The following MBTPS2 variants were observed in gnomAD, a reference collection of about 807,000 sequenced individuals.
The protein encoded by MBTPS2 is membrane-bound transcription factor site-2 protease.
A neutral mutation model predicts 35.4 loss-of-function variants in MBTPS2; 2 were observed. The observed-to-expected ratio is 0.06, with a 90% CI of 0.02 to 0.18. MBTPS2 has a LOEUF of 0.18. MBTPS2 is among the 10% of genes least tolerant of loss of function. The probability of loss-of-function intolerance (pLI) is 1.00; values close to 1 mark genes in which losing one functional copy is unlikely to be tolerated. For missense variants in MBTPS2, 244 were observed against 386.5 expected (o/e 0.63, Z 3.09); for synonymous variants, 125 against 140.4 (o/e 0.89, Z 0.77).
At chrX:21,871,536 A>G (rs1251503327) in intron 7 of MBTPS2, 1 of 111,630 alleles carries the variant, frequency 9.0e-6, no homozygotes, top group Non-Finnish European at 1.9e-5. Flanking sequence ...TTAACGGATG[A>G]TGACTCATTA....
Position 21,869,583 on chromosome X carries a change from A to G in MBTPS2, c.875A>G (p.Asp292Gly), listed in dbSNP as rs752895333. 7 of 1,206,868 alleles carry G rather than the reference A, an allele frequency of 5.8e-6. No homozygotes were observed. Among genetic ancestry groups the G allele is most frequent in the Admixed American group, 4.4e-5 (2 of 45,669 alleles). ...LQDCPVTNVQ[D>G]WNECLDTIAY... is the part of the protein sequence containing the mutation. Reference sequence around the variant, plus strand: ...GATTGTCCTGTTACTAATGTGCAAGATTGGAATGAATGTTTAGATACCATC... The same window carrying G: ...GATTGTCCTGTTACTAATGTGCAAGGTTGGAATGAATGTTTAGATACCATC... The change falls in exon 7 of 11, where the codon GAT becomes GGT. Residue 292 changes from aspartate (D) to glycine (G), a missense_variant. Physicochemically the swap from Asp to Gly is moderately conservative, Grantham distance 94 (BLOSUM62 -1). Coordinates refer to ENST00000379484, the MANE Select transcript of MBTPS2 (RefSeq NM_015884.4).
chrX:21,875,507 C>T (rs1269027159), intron 7 of MBTPS2, among the ~76,000 whole-genome samples: 1 of 112,206 alleles, frequency 8.9e-6, no homozygotes. Context: ...GTATCATTAG[C>T]GATAATAAAT....
chrX:21,872,917 C>T (rs989046330), intron 7 of MBTPS2: 2 of 109,697 alleles, frequency 1.8e-5, no homozygotes, highest in Non-Finnish European at 3.8e-5. Flanking sequence ...TAGGTAACTT[C>T]GTTATCCTTC....
rs1329684859 is a variant in MBTPS2, at chrX:21,853,416, A to C, written c.583A>C (p.Ile195Leu). 4.2e-6 allele frequency: 5 copies of C among 1,200,300 alleles called. No homozygotes were observed. The highest frequency in any genetic ancestry group is 5.6e-6 in the Non-Finnish European group (5 of 887,075). Residue 195 changes from isoleucine (I) to leucine (L), a missense_variant, in exon 5 of 11, where the codon ATT (isoleucine) becomes CTT (leucine). Coordinates refer to ENST00000379484, the MANE Select transcript of MBTPS2 (RefSeq NM_015884.4). Reference sequence around the variant, plus strand: ...TAATGGCTTTGGGATTTTTCTCTTCATTATTTATCCTGGAGCATTTGTTGA... The same window carrying C: ...TAATGGCTTTGGGATTTTTCTCTTCCTTATTTATCCTGGAGCATTTGTTGA... Reference protein sequence around the residue: ...RFNGFGIFLFIIYPGAFVDLF... With the variant: ...RFNGFGIFLFLIYPGAFVDLF...
rs1002292342 is a variant in MBTPS2, at chrX:21,884,633, A to G, written c.*1978A>G. 5 of 752,207 alleles carry G rather than the reference A, an allele frequency of 6.6e-6. No homozygotes were observed. 62.0% of individuals were successfully genotyped at this position (752,207 alleles called of 1,213,427 possible). ...CCATTTGTATAAAACCGGCCTCATT[A>G]TGTAAGAAAGAAAATGTTACGTGTT... On this transcript the variant is annotated 3_prime_UTR_variant, in exon 11 of 11. Coordinates refer to ENST00000379484, the MANE Select transcript of MBTPS2 (RefSeq NM_015884.4).
chrX:21,856,609 A>C (rs1262966075), intron 5 of MBTPS2: 1 of 1,210,393 alleles, frequency 8.3e-7, no homozygotes, highest in Non-Finnish European at 1.1e-6. Context: ...AGCGTCCAGT[A>C]CGAGGATGTG....
intron 6 of MBTPS2, 117 bp downstream of exon 6, chrX:21,868,702 G>A: frequency 1.7e-6 from 1 of 573,827 alleles, no homozygotes; most frequent in Admixed American, 2.3e-5. Context: ...AGTTTCTTCT[G>A]AAGAAATTAC....
Position 21,862,895 on chromosome X carries a change from TATAAAC to T in MBTPS2, c.671-5568_671-5563del, listed in dbSNP as rs1312923249. The stretch of plus-strand genomic sequence containing the variant: ...ATATATAAATATATATACACATATA[TATAAAC>T]ATATATAAATATATAAACATATATA... On this transcript the variant is annotated intron_variant, in intron 5 of 10. Transcript: ENST00000379484. Among the ~76,000 whole-genome samples the T allele has an allele frequency of 3.8e-3, 284 of 74,865 alleles. 5 individuals are homozygous for T. Among genetic ancestry groups the T allele is most frequent in the African/African-American group, 0.013 (266 of 20,156 alleles). The allele number at this position is 74,865 out of a possible 115,157, so 65.0% of individuals were successfully genotyped here.
intron 5 of MBTPS2, among the ~76,000 whole-genome samples, chrX:21,863,138 C>T (rs1448694064): frequency 2.2e-5 from 2 of 92,698 alleles, no homozygotes; most frequent in Admixed American, 1.2e-4. Flanking sequence ...CATGCTGGCA[C>T]GCGCCTGTAG....
intron 3 of MBTPS2, 127 bp downstream of exon 3, chrX:21,845,511 T>G: frequency 1.6e-6 from 1 of 626,896 alleles, no homozygotes; most frequent in Non-Finnish European, 2.3e-6. Flanking sequence ...AATTTTCAAA[T>G]TACCTGCTTA....
rs772615650 is a variant in MBTPS2, at chrX:21,868,590, AT to A, written c.789+6del. 3.6e-6 allele frequency: 4 copies of A among 1,106,805 alleles called. No homozygotes were observed. In the Admixed American group the frequency reaches 8.7e-5, roughly 24 times the overall value. 91.2% of individuals were successfully genotyped at this position (1,106,805 alleles called of 1,213,427 possible). On this transcript the variant is annotated splice_donor_region_variant and intron_variant, in intron 6 of 10. Transcript: ENST00000379484. ...CTCATCACTGAAGTTGCTGAGGTAA[AT>A]AATGGATTACTCAGGGCATTCTTTC...
chrX:21,860,474 A>G (rs1049860889), intron 5 of MBTPS2, among the ~76,000 whole-genome samples: 5 of 112,362 alleles, frequency 4.4e-5, no homozygotes, highest in African/African-American at 1.6e-4. Context: ...AGAAAAAGTA[A>G]AAGTTTATAA....
At position 21,883,373 on chromosome X, in the gene MBTPS2, G is replaced by A. The variant is rs892314208; in HGVS notation, c.*718G>A. ...AAGCAGCACTAGCTTTGACATCCAC[G>A]GTGAGCTGCAGGAAGCATCACACAC... On this transcript the variant is annotated 3_prime_UTR_variant, in exon 11 of 11. Coordinates refer to ENST00000379484, the MANE Select transcript of MBTPS2 (RefSeq NM_015884.4). The A allele has an allele frequency of 6.6e-6, 5 of 752,854 alleles. No individual in the cohort carries two copies. Among genetic ancestry groups the A allele is most frequent in the African/African-American group, 2.3e-5 (1 of 43,038 alleles). 62.0% of individuals were successfully genotyped at this position (752,854 alleles called of 1,213,427 possible). A position where few individuals can be genotyped will look rare whatever the true frequency, so the allele number is the denominator to read the frequency against.
intron 3 of MBTPS2, among the ~76,000 whole-genome samples, chrX:21,846,670 T>C (rs2092909083): frequency 8.9e-6 from 1 of 112,490 alleles, no homozygotes; most frequent in African/African-American, 3.2e-5. Context: ...GCGCTCGGCC[T>C]ATGCTCTACT....
rs778541615 is a variant in MBTPS2, at chrX:21,884,412, G to C, written c.*1757G>C. On this transcript the variant is annotated 3_prime_UTR_variant, in exon 11 of 11. Transcript: ENST00000379484. ...AACTAAGCAATTTTACTAATGAAAA[G>C]GTTGTATATGTGCAAGTCACTTTTT... 42 of 703,370 alleles carry C rather than the reference G, an allele frequency of 6.0e-5. No homozygotes were observed. The South Asian group carries it at 7.4e-4, about 12-fold the overall frequency. The allele number at this position is 703,370 out of a possible 1,213,427, so 58.0% of individuals were successfully genotyped here. A position where few individuals can be genotyped will look rare whatever the true frequency, so the allele number is the denominator to read the frequency against.
chrX:21,876,223 T>G (rs2092952896), intron 7 of MBTPS2, among the ~76,000 whole-genome samples: 1 of 111,949 alleles, frequency 8.9e-6, no homozygotes, highest in Non-Finnish European at 1.9e-5. Flanking sequence ...TTTAATATTT[T>G]AAATACTGCT....
Position 21,868,098 on chromosome X carries a change from G to GT in MBTPS2, c.671-361dup, listed in dbSNP as rs202158415. 4.2e-3 allele frequency among the ~76,000 whole-genome samples: 464 copies of GT among 111,119 alleles called. 4 individuals are homozygous for GT. Among genetic ancestry groups the GT allele is most frequent in the African/African-American group, 0.014 (437 of 30,585 alleles). On this transcript the variant is annotated intron_variant, in intron 5 of 10. Coordinates refer to ENST00000379484, the MANE Select transcript of MBTPS2 (RefSeq NM_015884.4). Reference sequence around the variant, plus strand: ...GTTTCTGTACCCCTGTTTAGCAAGAGTTTTTTTTATTTGAATGTATATGAG... The same window carrying GT: ...GTTTCTGTACCCCTGTTTAGCAAGAGTTTTTTTTTATTTGAATGTATATGAG...
intron 5 of MBTPS2, among the ~76,000 whole-genome samples, chrX:21,863,259 G>A (rs1448311472): frequency 1.5e-5 from 1 of 67,106 alleles, no homozygotes; most frequent in African/African-American, 6.5e-5. Flanking sequence ...CAGTGAGACT[G>A]TCTCAAAAAA....
intron 5 of MBTPS2, among the ~76,000 whole-genome samples, chrX:21,855,620 A>C (rs2092919883): frequency 9.0e-6 from 1 of 110,501 alleles, no homozygotes; most frequent in African/African-American, 3.3e-5. Flanking sequence ...TTAGTAGAGA[A>C]GGGGTTTTGC....
Sources: gnomAD v4.1 joint callset for allele counts (sites outside exome capture counted in the v4.1 genomes callset) on GRCh38, gnomAD v4.1.1 for gene constraint, MANE v1.5 for transcripts, NCBI Gene and HGNC (gene_info 2026-07-23, HGNC 2026-07-21) for gene names.